STAT5B: variants seen among roughly 807,000 people sequenced by gnomAD.
STAT5B encodes the protein transcription factor STAT5B.
STAT5B carries 21 observed loss-of-function variants against 107.8 expected under a neutral mutation model. That is an observed-to-expected ratio of 0.19 (90% confidence interval 0.14 to 0.28). The LOEUF (loss-of-function observed/expected upper bound fraction) is 0.28. Ranked by LOEUF, STAT5B falls within the 10% of genes least tolerant of loss-of-function variation. STAT5B has a pLI of 1.00. For missense variants in STAT5B, 565 were observed against 1,008.2 expected (o/e 0.56, Z 5.95); for synonymous variants, 325 against 401.7 (o/e 0.81, Z 2.28).
the STAT5B span, among the ~76,000 whole-genome samples, chr17:42,286,010 G>A: frequency 8.6e-5 from 13 of 151,882 alleles, no homozygotes; most frequent in Non-Finnish European, 1.9e-4. Flanking sequence ...ACCTGAGGTC[G>A]GGAGTTCGAG....
intron 1 of STAT5B, among the ~76,000 whole-genome samples, chr17:42,255,880 G>A (rs533459624): frequency 2.6e-5 from 4 of 152,126 alleles, no homozygotes; most frequent in Non-Finnish European, 4.4e-5. Flanking sequence ...CTAAGGTCAG[G>A]AGTTCCAGAC....
intron 13 of STAT5B, among the ~76,000 whole-genome samples, chr17:42,211,342 C>T (rs1396814336): frequency 6.6e-6 from 1 of 151,876 alleles, no homozygotes; most frequent in Admixed American, 6.6e-5. Flanking sequence ...ACCCCGTCTC[C>T]ACTAAAAATA....
At chr17:42,255,515 A>G (rs1567674265) in intron 1 of STAT5B, among the ~76,000 whole-genome samples, 1 of 152,252 alleles carries the variant, frequency 6.6e-6, no homozygotes, top group South Asian at 2.1e-4. Flanking sequence ...GAAGTCTCCA[A>G]CCAAAAGAAT....
intron 1 of STAT5B, among the ~76,000 whole-genome samples, chr17:42,259,714 C>T (rs1175194534): frequency 6.6e-6 from 1 of 151,294 alleles, no homozygotes; most frequent in African/African-American, 2.4e-5. Context: ...TTGAACCTGT[C>T]GGGGGGAGGC....
Position 42,218,288 on chromosome 17 carries a change from G to C in STAT5B, c.1032C>G (p.Thr344=). ...GCACAGTGGCTGCAAACTTGGTCTG[G>C]GTCTTCAGGACCTGAGGAGGCTGCT... is the stretch of plus-strand genomic sequence containing the variant. The part of the protein sequence containing the change: ...IEKQPPQVLK[T]QTKFAATVRL... Residue 344 remains threonine, a synonymous_variant, in exon 9 of 19, where the codon ACC becomes ACG. Coordinates refer to ENST00000293328, the MANE Select transcript of STAT5B (RefSeq NM_012448.4). The C allele has an allele frequency of 6.2e-7, 1 of 1,614,064 alleles. No homozygotes were observed. Among genetic ancestry groups the C allele is most frequent in the Non-Finnish European group, 8.5e-7 (1 of 1,180,012 alleles).
At chr17:42,279,272 T>C (rs549022638), upstream of STAT5B, among the ~76,000 whole-genome samples, 1 of 152,244 alleles carries the variant, frequency 6.6e-6, no homozygotes, top group African/African-American at 2.4e-5. Flanking sequence ...TTTTCCTCTA[T>C]CTTCTCGTTT....
In STAT5B at chr17:42,218,218, G is replaced by C; in HGVS notation, c.1102C>G (p.Gln368Glu). The change falls in exon 9 of 19, where the codon CAG (glutamine) becomes GAG (glutamate). Residue 368 changes from glutamine to glutamate, a missense_variant. Around this residue, in one of 11 missense-constraint regions of STAT5B, gnomAD observed 70 missense variants for 73.2 expected, o/e 0.96. Coordinates refer to ENST00000293328, the MANE Select transcript of STAT5B (RefSeq NM_012448.4). ...GKLNVHMNPP[Q>E]VKATIISEQQ... is the part of the protein sequence containing the mutation. ...TCACTGATGATGGTGGCCTTCACCT[G>C]GGGGGGGTTCATGTGCACGTTCAGC... 1.2e-6 allele frequency: 2 copies of C among 1,611,234 alleles called. No individual in the cohort carries two copies. The highest frequency in any genetic ancestry group is 1.7e-6 in the Non-Finnish European group (2 of 1,178,322).
chr17:42,236,689 G>A (rs1384345685), intron 1 of STAT5B, among the ~76,000 whole-genome samples: 2 of 152,096 alleles, frequency 1.3e-5, no homozygotes, highest in African/African-American at 2.4e-5. Flanking sequence ...TGCCCGCCTC[G>A]GCCTCCCAAA....
intron 1 of STAT5B, among the ~76,000 whole-genome samples, chr17:42,254,270 C>T (rs1413866548): frequency 6.6e-6 from 1 of 152,108 alleles, no homozygotes; most frequent in Non-Finnish European, 1.5e-5. Context: ...ATCCTAGCTA[C>T]TCAGAAGGCT....
intron 1 of STAT5B, among the ~76,000 whole-genome samples, chr17:42,261,278 C>CA (rs1351926713): frequency 6.6e-6 from 1 of 151,846 alleles, no homozygotes; most frequent in African/African-American, 2.4e-5. Flanking sequence ...AGGTGATAAG[C>CA]AAAAAATAAC....
intron 1 of STAT5B, among the ~76,000 whole-genome samples, chr17:42,262,067 A>G (rs2080601974): frequency 1.3e-5 from 2 of 152,300 alleles, no homozygotes; most frequent in East Asian, 1.9e-4. Flanking sequence ...AAAATTGTCT[A>G]TTTTTAAGGT....
At chr17:42,220,640 G>T (rs1020655048) in intron 5 of STAT5B, among the ~76,000 whole-genome samples, 16 of 152,140 alleles carry the variant, frequency 1.1e-4, no homozygotes, top group Admixed American at 8.5e-4. Flanking sequence ...AGACCGCAGA[G>T]GGAGAGCATG....
intron 3 of STAT5B, among the ~76,000 whole-genome samples, chr17:42,225,314 C>G (rs890985333): frequency 3.9e-4 from 59 of 152,176 alleles, no homozygotes; most frequent in Admixed American, 3.9e-3. Context: ...CTTAGCCTCC[C>G]AAAGTGCTGT....
At chr17:42,256,684 C>A (rs969262090) in intron 1 of STAT5B, among the ~76,000 whole-genome samples, 6 of 151,450 alleles carry the variant, frequency 4.0e-5, no homozygotes, top group Non-Finnish European at 8.8e-5. Context: ...ATGGTGAAAC[C>A]CCGTCTCTAC....
At chr17:42,232,334 C>T (rs1285268435) in intron 1 of STAT5B, among the ~76,000 whole-genome samples, 197 bp from the exon 2 acceptor site, 5 of 152,060 alleles carry the variant, frequency 3.3e-5, no homozygotes, top group Non-Finnish European at 7.4e-5. Context: ...CTACAACCTC[C>T]GCCTCCCCGG....
rs1375777634 is a variant in STAT5B, at chr17:42,276,245, T to C, written c.-11+3A>G. On this transcript the variant is annotated splice_donor_region_variant and intron_variant, in intron 1 of 18. Transcript: ENST00000293328. This position sits in a 1 kb window ranked among gnomAD's most constrained non-coding sequence, Gnocchi z 4.8. ...GGCCCAGGGCTCGCCCCGCAGCTCC[T>C]ACCTCGCTCGGCCCCTCGGGCGCCC... The C allele has an allele frequency of 6.8e-6, 1 of 146,882 alleles. No individual in the cohort carries two copies. The highest frequency in any genetic ancestry group is 1.5e-5 in the Non-Finnish European group (1 of 65,984). 9.1% of individuals were successfully genotyped at this position (146,882 alleles called of 1,614,324 possible).
chr17:42,216,731 C>T (rs1401186009), intron 11 of STAT5B, among the ~76,000 whole-genome samples: 1 of 151,338 alleles, frequency 6.6e-6, no homozygotes, highest in Non-Finnish European at 1.5e-5. Flanking sequence ...CACTCTTTCA[C>T]CCAGGCTGGA....
chr17:42,239,913 G>T (rs1175303701), intron 1 of STAT5B, among the ~76,000 whole-genome samples: 1 of 152,180 alleles, frequency 6.6e-6, no homozygotes, highest in African/African-American at 2.4e-5. Flanking sequence ...ATCACCTGAG[G>T]TCAGGAGCTC....
chr17:42,216,252 G>A (rs1344603969), intron 11 of STAT5B, 146 bp from the exon 12 acceptor site: 5 of 694,976 alleles, frequency 7.2e-6, no homozygotes, highest in Admixed American at 5.1e-5. Context: ...AATGGCCCCA[G>A]GAATAATATG....
Sources: gnomAD v4.1 joint callset for allele counts (sites outside exome capture counted in the v4.1 genomes callset) on GRCh38, gnomAD v4.1.1 for gene constraint, gnomAD v4.1.1 regional missense constraint, Gnocchi (gnomAD v3.1) non-coding constraint, MANE v1.5 for transcripts, NCBI Gene and HGNC (gene_info 2026-07-23, HGNC 2026-07-21) for gene names.